PALLD: variants seen among roughly 807,000 people sequenced by gnomAD.
PALLD encodes palladin, cytoskeletal associated protein.
PALLD carries 61 observed loss-of-function variants against 123.5 expected under a neutral mutation model. That is an observed-to-expected ratio of 0.49 (90% CI 0.40 to 0.61). The LOEUF is 0.61. Among genes scored for constraint, PALLD ranks in the 20% least tolerant of loss-of-function variants. PALLD has a pLI of 0.00. For synonymous variants in PALLD, 465 were observed against 496.4 expected, an observed-to-expected ratio of 0.94 and a Z score of 0.84; for missense variants, 1,273 against 1,377.0, an observed-to-expected ratio of 0.92 and a Z score of 1.20.
At chr4:168,892,630 T>C (rs1754309799) in intron 11 of PALLD, among the ~76,000 whole-genome samples, 1 of 152,186 alleles carries the variant, frequency 6.6e-6, no homozygotes, top group Non-Finnish European at 1.5e-5. Flanking sequence ...GTACATACTC[T>C]GGAAGTTTTC....
chr4:168,771,425 C>T (rs927213232), intron 10 of PALLD, among the ~76,000 whole-genome samples: 13 of 152,162 alleles, frequency 8.5e-5, no homozygotes, highest in African/African-American at 2.9e-4. Flanking sequence ...CATTCAGGAA[C>T]GGGCTGCAAC....
At chr4:168,761,048 G>A (rs1338553575) in intron 10 of PALLD, among the ~76,000 whole-genome samples, 1 of 152,234 alleles carries the variant, frequency 6.6e-6, no homozygotes, top group African/African-American at 2.4e-5. Context: ...CAAGGACTGA[G>A]TTGCAAGTCA....
intron 10 of PALLD, among the ~76,000 whole-genome samples, chr4:168,862,633 G>C (rs1749661535): frequency 6.6e-6 from 1 of 152,144 alleles, no homozygotes; most frequent in African/African-American, 2.4e-5. Flanking sequence ...TTTTGTTACA[G>C]GGTAAGAAAC....
chr4:168,610,459 G>T (rs1773621710), intron 2 of PALLD, among the ~76,000 whole-genome samples: 1 of 152,192 alleles, frequency 6.6e-6, no homozygotes, highest in African/African-American at 2.4e-5. Flanking sequence ...CTTCGTCGAA[G>T]GTTGTGTGTG....
At chr4:168,879,509 A>C (rs1205388844) in intron 10 of PALLD, among the ~76,000 whole-genome samples, 10 of 152,212 alleles carry the variant, frequency 6.6e-5, no homozygotes. Context: ...TAAACAGTAA[A>C]AAGGAGAAGA....
chr4:168,564,924 G>A (rs1446417646), intron 2 of PALLD, among the ~76,000 whole-genome samples: 2 of 151,880 alleles, frequency 1.3e-5, no homozygotes, highest in Non-Finnish European at 1.5e-5. Flanking sequence ...GGGTGCAGTG[G>A]CTCATGCCCG....
chr4:168,645,112 A>G (rs978667923), intron 2 of PALLD, among the ~76,000 whole-genome samples: 4 of 147,174 alleles, frequency 2.7e-5, no homozygotes, highest in African/African-American at 1.0e-4. Flanking sequence ...AAAAAAAAAA[A>G]GGAAATAGGG....
chr4:168,569,118 C>T (rs1768711556), intron 2 of PALLD, among the ~76,000 whole-genome samples: 1 of 152,084 alleles, frequency 6.6e-6, no homozygotes, highest in Non-Finnish European at 1.5e-5. Flanking sequence ...AAAAATATCT[C>T]CTTTACCTGC....
chr4:168,704,474 A>G (rs1412993787), intron 8 of PALLD, among the ~76,000 whole-genome samples: 2 of 152,158 alleles, frequency 1.3e-5, no homozygotes, highest in Non-Finnish European at 2.9e-5. Flanking sequence ...GATCCAGACC[A>G]TCCTGGCTAA....
intron 3 of PALLD, among the ~76,000 whole-genome samples, chr4:168,677,288 C>A (rs901070063): frequency 1.3e-5 from 2 of 151,762 alleles, no homozygotes; most frequent in Admixed American, 1.3e-4. Context: ...CTGGCTGGCA[C>A]AGAGAGGGAG....
At chr4:168,805,209 GA>G (rs1189929532) in intron 10 of PALLD, among the ~76,000 whole-genome samples, 5 of 152,010 alleles carry the variant, frequency 3.3e-5, no homozygotes, top group Non-Finnish European at 7.4e-5. Context: ...TTTGAGATGG[GA>G]GGCTAAATTG....
intron 2 of PALLD, among the ~76,000 whole-genome samples, chr4:168,560,770 G>C (rs928531385): frequency 6.6e-6 from 1 of 152,148 alleles, no homozygotes; most frequent in African/African-American, 2.4e-5. Flanking sequence ...TTTGTGGAAG[G>C]CAGGTCTAAC....
intron 10 of PALLD, among the ~76,000 whole-genome samples, chr4:168,815,181 T>A (rs1213809159): frequency 6.6e-6 from 1 of 152,246 alleles, no homozygotes; most frequent in Non-Finnish European, 1.5e-5. Context: ...AGATTTCATT[T>A]CTCATGGACA....
At chr4:168,656,979 A>G (rs974887287) in intron 2 of PALLD, among the ~76,000 whole-genome samples, 13 of 152,184 alleles carry the variant, frequency 8.5e-5, no homozygotes, top group Admixed American at 1.3e-4. Flanking sequence ...TTGGGGATCA[A>G]TGGGATATAG....
In PALLD at chr4:168,690,681, G is replaced by A; in HGVS notation, c.1414G>A (p.Val472Ile). The change falls in exon 7 of 22, where the codon GTC becomes ATC. Residue 472 changes from valine (V) to isoleucine (I), a missense_variant. Physicochemically the swap from Val to Ile is conservative, Grantham distance 29. Around this residue, in one of 2 missense-constraint regions of PALLD, gnomAD observed 944 missense variants for 954.5 expected, o/e 0.99. Transcript: ENST00000505667. The part of the protein sequence containing the change: ...CRVRGAPPLQ[V>I]QWFRQGSEIQ... Reference sequence around the variant, plus strand: ...GGTCCGTGGGGCACCCCCTCTGCAGGTCCAGTGGTTTCGGCAAGGGAGTGA... The same window carrying A: ...GGTCCGTGGGGCACCCCCTCTGCAGATCCAGTGGTTTCGGCAAGGGAGTGA... 6.2e-7 allele frequency: 1 copy of A among 1,614,192 alleles called. No homozygotes were observed. Among genetic ancestry groups the A allele is most frequent in the Non-Finnish European group, 8.5e-7 (1 of 1,180,028 alleles).
At chr4:168,696,411 G>A (rs1443324607) in intron 8 of PALLD, among the ~76,000 whole-genome samples, 1 of 152,022 alleles carries the variant, frequency 6.6e-6, no homozygotes, top group Non-Finnish European at 1.5e-5. Context: ...ATGCCACTTA[G>A]ATTGTGCTAT....
chr4:168,600,871 AG>A (rs1250653195), intron 2 of PALLD, among the ~76,000 whole-genome samples: 1 of 152,148 alleles, frequency 6.6e-6, no homozygotes, highest in Non-Finnish European at 1.5e-5. Context: ...AATACTTGCA[AG>A]AGTGTCTTCC....
intron 15 of PALLD, chr4:168,904,154 C>T (rs1172792566): frequency 2.1e-6 from 1 of 481,518 alleles, no homozygotes; most frequent in Non-Finnish European, 3.8e-6. Context: ...TATGTACACA[C>T]TTTCTATGTG....
intron 2 of PALLD, among the ~76,000 whole-genome samples, chr4:168,637,316 T>C (rs780664031): frequency 2.6e-5 from 4 of 152,044 alleles, no homozygotes; most frequent in South Asian, 4.2e-4. Context: ...AGCCGGCTGG[T>C]GTACCAGTTA....
Sources: allele counts gnomAD v4.1 joint callset (sites outside exome capture counted in the v4.1 genomes callset), GRCh38; gene constraint gnomAD v4.1.1; regional missense constraint gnomAD v4.1.1; transcripts MANE v1.5; gene names NCBI Gene and HGNC (gene_info 2026-07-23, HGNC 2026-07-21).